The following CTNNBL1 variants were observed in gnomAD, a reference collection of about 807,000 sequenced individuals.
CTNNBL1 encodes the protein beta-catenin-like protein 1.
CTNNBL1 carries 31 observed loss-of-function variants against 72.7 expected under a neutral mutation model. The ratio of observed to expected loss-of-function variants is 0.43; its 90% CI spans 0.32 to 0.58. The LOEUF is 0.58. Ranked by LOEUF, CTNNBL1 falls within the 20% of genes least tolerant of loss-of-function variation. CTNNBL1 has a pLI of 0.08. For synonymous variants in CTNNBL1, 240 were observed against 267.3 expected, an observed-to-expected ratio of 0.90 and a Z score of 1.00; for missense variants, 534 against 725.1, an observed-to-expected ratio of 0.74 and a Z score of 3.03.
At chr20:37,711,872 A>T (rs1346304191) in intron 1 of CTNNBL1, among the ~76,000 whole-genome samples, 1 of 152,140 alleles carries the variant, frequency 6.6e-6, no homozygotes, top group Non-Finnish European at 1.5e-5. Context: ...GTTGATAAGG[A>T]CAGAGGGGTC....
chr20:37,868,422 T>C lies in CTNNBL1; in HGVS notation c.1604-3503T>C, dbSNP rs1172845855. On this transcript the variant is annotated intron_variant, in intron 15 of 15. Transcript: ENST00000361383. ...CCTGGGTAAGTAGGGATGGTGTTCT[T>C]TACCTTGTGAGATTGATGCAAAGGT... 2.0e-5 allele frequency among the ~76,000 whole-genome samples: 3 copies of C among 152,320 alleles called. No individual in the cohort carries two copies. The East Asian group carries it at 5.8e-4, about 29-fold the overall frequency.
rs1056927584 is a variant in CTNNBL1, at chr20:37,762,368, T to C, written c.565-2829T>C. On this transcript the variant is annotated intron_variant, in intron 5 of 15. Coordinates refer to ENST00000361383, the MANE Select transcript of CTNNBL1 (RefSeq NM_030877.5). ...GTACCAGATAGAAAAAGAAGCCTCC[T>C]TCAAACCCTCTCATCTGTCTCTTTT... Among the ~76,000 whole-genome samples, 3 of 152,340 alleles carry C rather than the reference T, an allele frequency of 2.0e-5. No individual in the cohort carries two copies. In the East Asian group the frequency reaches 5.8e-4, roughly 29 times the overall value.
At chr20:37,779,166 T>C in intron 9 of CTNNBL1, 21 bp from the exon 10 acceptor site, 1 of 1,611,222 alleles carries the variant, frequency 6.2e-7, no homozygotes, top group Non-Finnish European at 8.5e-7. Flanking sequence ...CTCTGTGCTT[T>C]GTGCTGTTTT....
chr20:37,781,460 A>G (rs1429596561), intron 10 of CTNNBL1, among the ~76,000 whole-genome samples: 1 of 152,168 alleles, frequency 6.6e-6, no homozygotes, highest in African/African-American at 2.4e-5. Context: ...CAGGGAGGCT[A>G]ATTAAAGGAG....
At chr20:37,724,908 CTTTTTTTTTTTTTT>C (rs748038781) in intron 1 of CTNNBL1, among the ~76,000 whole-genome samples, 2 of 122,388 alleles carry the variant, frequency 1.6e-5, no homozygotes, top group South Asian at 5.4e-4. Context: ...TCCTGTCAAT[CTTTTTTTTTTTTTT>C]TTTTTTTGAG....
At chr20:37,816,794 A>G (rs1380931130) in intron 11 of CTNNBL1, among the ~76,000 whole-genome samples, 2 of 152,174 alleles carry the variant, frequency 1.3e-5, no homozygotes, top group Non-Finnish European at 2.9e-5. Context: ...TAATCACAAA[A>G]AAAAAAAAGC....
In CTNNBL1 at chr20:37,796,269, C is replaced by T. The variant is rs370239833; in HGVS notation, c.1032-6598C>T. Among the ~76,000 whole-genome samples the T allele has an allele frequency of 9.9e-5, 15 of 152,016 alleles. 1 individual carries two copies. The highest frequency in any genetic ancestry group is 8.5e-4 in the Admixed American group (13 of 15,272). On this transcript the variant is annotated intron_variant, in intron 10 of 15. Transcript: ENST00000361383. The stretch of plus-strand genomic sequence containing the variant: ...GTCAGTTCTGGAGACTGGAAGGGGC[C>T]CTCTGCAGATCTCCGTGCAGCTCTC...
chr20:37,774,237 C>A (rs1229298066), intron 7 of CTNNBL1, among the ~76,000 whole-genome samples: 1 of 152,134 alleles, frequency 6.6e-6, no homozygotes, highest in Admixed American at 6.5e-5. Context: ...CTAATCCTCA[C>A]AAACAGCCCT....
intron 13 of CTNNBL1, among the ~76,000 whole-genome samples, chr20:37,855,697 G>A (rs1242539120): frequency 6.6e-6 from 1 of 152,156 alleles, no homozygotes; most frequent in Non-Finnish European, 1.5e-5. Flanking sequence ...TTGGCTGTTT[G>A]CATATTCTGA....
chr20:37,782,466 G>A (rs945223598), intron 10 of CTNNBL1, among the ~76,000 whole-genome samples: 2 of 151,998 alleles, frequency 1.3e-5, no homozygotes, highest in South Asian at 2.1e-4. Context: ...TAAAATGTAC[G>A]CATTTTAAGT....
At chr20:37,800,567 T>G (rs114192763) in intron 10 of CTNNBL1, among the ~76,000 whole-genome samples, 105 of 152,338 alleles carry the variant, frequency 6.9e-4, no homozygotes, top group African/African-American at 2.4e-3. Flanking sequence ...CCCACTGTAC[T>G]TATTATTTTG....
rs1035107004 is a variant in CTNNBL1, at chr20:37,733,175, G to C, written c.219+108G>C. On this transcript the variant is annotated intron_variant, in intron 2 of 15. Transcript: ENST00000361383. ...CTTCCCATCTTCATCTGTAAAATGG[G>C]GTTAAGAATTCATATTTCATCGCGT... is the stretch of plus-strand genomic sequence containing the variant. The C allele has an allele frequency of 1.6e-5, 15 of 949,622 alleles. No homozygotes were observed. In the African/African-American group the frequency reaches 2.3e-4, roughly 15 times the overall value. 58.8% of individuals were successfully genotyped at this position (949,622 alleles called of 1,614,324 possible). A position where few individuals can be genotyped will look rare whatever the true frequency, so the allele number is the denominator to read the frequency against.
intron 1 of CTNNBL1, among the ~76,000 whole-genome samples, chr20:37,723,098 G>T (rs1170312018): frequency 6.6e-6 from 1 of 152,172 alleles, no homozygotes; most frequent in Admixed American, 6.5e-5. Context: ...GAATCAATCA[G>T]AGCAGATGTC....
intron 7 of CTNNBL1, among the ~76,000 whole-genome samples, chr20:37,775,014 C>T (rs1358767521): frequency 6.6e-6 from 1 of 151,830 alleles, no homozygotes; most frequent in Non-Finnish European, 1.5e-5. Flanking sequence ...TCATAGATTC[C>T]CATTGTCAGC....
intron 11 of CTNNBL1, among the ~76,000 whole-genome samples, chr20:37,807,103 G>A (rs2071966731): frequency 6.6e-6 from 1 of 152,200 alleles, no homozygotes; most frequent in Non-Finnish European, 1.5e-5. Context: ...CAAAGTCGCA[G>A]TGCAGCCTGA....
intron 1 of CTNNBL1, among the ~76,000 whole-genome samples, chr20:37,719,269 A>G (rs1385215942): frequency 6.6e-6 from 1 of 152,160 alleles, no homozygotes; most frequent in African/African-American, 2.4e-5. Context: ...GAATTTGCAT[A>G]CATTTGCTAA....
chr20:37,755,636 A>G (rs796094206), intron 4 of CTNNBL1, among the ~76,000 whole-genome samples: 1 of 152,242 alleles, frequency 6.6e-6, no homozygotes, highest in Non-Finnish European at 1.5e-5. Flanking sequence ...TTCTTTCAGC[A>G]AAAGACCTGC....
intron 1 of CTNNBL1, among the ~76,000 whole-genome samples, chr20:37,697,315 A>G (rs1268312290): frequency 6.6e-6 from 1 of 152,222 alleles, no homozygotes; most frequent in Non-Finnish European, 1.5e-5. Context: ...ACTTTATGTA[A>G]TGTGGTCGAG....
At chr20:37,745,472 A>G (rs2073254195) in intron 3 of CTNNBL1, among the ~76,000 whole-genome samples, 1 of 152,216 alleles carries the variant, frequency 6.6e-6, no homozygotes, top group South Asian at 2.1e-4. Context: ...AAATACTTAC[A>G]TAGTGCTTTT....
Sources: allele counts gnomAD v4.1 joint callset (sites outside exome capture counted in the v4.1 genomes callset), GRCh38; gene constraint gnomAD v4.1.1; transcripts MANE v1.5; gene names NCBI Gene and HGNC (gene_info 2026-07-23, HGNC 2026-07-21).